Variants in EEFSEC observed in about 807,000 individuals in gnomAD.
The protein encoded by EEFSEC is eukaryotic elongation factor, selenocysteine-tRNA specific.
EEFSEC carries 43 observed loss-of-function variants against 42.1 expected under a neutral mutation model. The observed-to-expected ratio is 1.02, with a 90% CI of 0.80 to 1.32. The LOEUF is 1.32. Ranked by LOEUF, EEFSEC falls within the 40% of genes most tolerant of loss-of-function variation. The pLI, the probability that EEFSEC is intolerant of heterozygous loss-of-function variation, is 0.00. For missense variants in EEFSEC, 745 were observed against 803.6 expected (o/e 0.93, Z 0.88); for synonymous variants, 354 against 339.1 (o/e 1.04, Z -0.48).
intron 1 of EEFSEC, among the ~76,000 whole-genome samples, chr3:128,189,336 G>A (rs924695979): frequency 2.0e-5 from 3 of 152,084 alleles, no homozygotes; most frequent in Admixed American, 1.3e-4. Context: ...TTATAGTGGG[G>A]CCAAAAAATT....
chr3:128,334,772 G>C lies in EEFSEC; in HGVS notation c.787-6461G>C, dbSNP rs559975052. On this transcript the variant is annotated intron_variant, in intron 4 of 6. Coordinates refer to ENST00000254730, the MANE Select transcript of EEFSEC (RefSeq NM_021937.5). The stretch of plus-strand genomic sequence containing the variant: ...GAAGTGCTTGGTGCTGGAGGGATGG[G>C]AAGGATGTGAGGGAGAGCCTCTGCA... Among the ~76,000 whole-genome samples, 5 of 152,348 alleles carry C rather than the reference G, an allele frequency of 3.3e-5. No homozygotes were observed. In the East Asian group the frequency reaches 7.7e-4, roughly 24 times the overall value.
At chr3:128,255,765 G>C (rs1172542550) in intron 2 of EEFSEC, among the ~76,000 whole-genome samples, 1 of 152,138 alleles carries the variant, frequency 6.6e-6, no homozygotes, top group Non-Finnish European at 1.5e-5. Context: ...AAGCAAGAGG[G>C]CTTTTGTCCC....
chr3:128,226,447 T>G (rs994215090), intron 1 of EEFSEC, among the ~76,000 whole-genome samples: 33 of 152,076 alleles, frequency 2.2e-4, no homozygotes, highest in African/African-American at 8.0e-4. Flanking sequence ...CTAACAAAGC[T>G]CGAGGTGATC....
At chr3:128,311,267 C>T (rs942772997) in intron 4 of EEFSEC, among the ~76,000 whole-genome samples, 6 of 152,248 alleles carry the variant, frequency 3.9e-5, no homozygotes, top group African/African-American at 1.4e-4. Flanking sequence ...AACTAATTCT[C>T]CTTTCACAGC....
At chr3:128,217,792 G>A (rs1047018866) in intron 1 of EEFSEC, among the ~76,000 whole-genome samples, 1 of 152,202 alleles carries the variant, frequency 6.6e-6, no homozygotes, top group Non-Finnish European at 1.5e-5. Flanking sequence ...GGAAACCTCA[G>A]CATCATGGGG....
chr3:128,408,047 G>A (rs1559963410), intron 6 of EEFSEC, 22 bp from the exon 7 acceptor site: 5 of 1,509,262 alleles, frequency 3.3e-6, no homozygotes, highest in Non-Finnish European at 4.4e-6. Context: ...CAGAGTGACA[G>A]GCTCTCTTCT....
At position 128,247,041 on chromosome 3, in the gene EEFSEC, C is replaced by T; in HGVS notation, c.522C>T (p.Thr174=). The part of the protein sequence containing the change: ...TKKMQKTLEN[T]KFRGAPIIPV... ...AAATGCAGAAGACCCTAGAGAACACCAAGTAGGTCTGCTAATGAGAGCAAT... is the reference window on the plus strand; with the variant it reads ...AAATGCAGAAGACCCTAGAGAACACTAAGTAGGTCTGCTAATGAGAGCAAT... Residue 174 remains threonine (T), a splice_region_variant and synonymous_variant, in exon 2 of 7, where the codon ACC becomes ACT. Transcript: ENST00000254730. 6.2e-7 allele frequency: 1 copy of T among 1,613,820 alleles called. No individual in the cohort carries two copies. The highest frequency in any genetic ancestry group is 1.1e-5 in the South Asian group (1 of 91,062).
chr3:128,381,439 C>A (rs2067775074), intron 6 of EEFSEC, among the ~76,000 whole-genome samples: 1 of 152,178 alleles, frequency 6.6e-6, no homozygotes, highest in East Asian at 1.9e-4. Context: ...GGGGGCTGGG[C>A]CTTCCCCCAT....
Position 128,309,499 on chromosome 3 carries a change from A to G in EEFSEC, c.787-31734A>G, listed in dbSNP as rs116496248. On this transcript the variant is annotated intron_variant, in intron 4 of 6. Transcript: ENST00000254730. ...GCCATGTACATAACCAGTGTACCCA[A>G]TGAGTAGGACCTAAGCCTTTATTTT... Among the ~76,000 whole-genome samples the G allele has an allele frequency of 9.2e-3, 1,409 of 152,328 alleles. 9 individuals are homozygous for G. Among genetic ancestry groups the G allele is most frequent in the Non-Finnish European group, 0.016 (1,084 of 68,026 alleles).
At chr3:128,340,827 G>A (rs553653359) in intron 4 of EEFSEC, among the ~76,000 whole-genome samples, 3 of 152,308 alleles carry the variant, frequency 2.0e-5, no homozygotes, top group Admixed American at 6.5e-5. Context: ...GGCCATTCTT[G>A]GGGGAGGAGG....
intron 1 of EEFSEC, among the ~76,000 whole-genome samples, chr3:128,209,696 G>A (rs561360337): frequency 1.3e-5 from 2 of 152,138 alleles, no homozygotes; most frequent in African/African-American, 2.4e-5. Flanking sequence ...ATGTACACAA[G>A]TACACATATA....
chr3:128,362,101 T>C (rs1309482133), intron 6 of EEFSEC: 1 of 391,036 alleles, frequency 2.6e-6, no homozygotes, highest in African/African-American at 2.1e-5. Context: ...GGGAGGCCCA[T>C]GTGGTGCTTG....
intron 6 of EEFSEC, among the ~76,000 whole-genome samples, chr3:128,403,665 C>T (rs778074598): frequency 4.0e-5 from 6 of 151,432 alleles, no homozygotes; most frequent in Non-Finnish European, 7.4e-5. Context: ...GCATGGCACA[C>T]GCCTTCATCT....
chr3:128,340,851 A>G (rs1191718143), intron 4 of EEFSEC, among the ~76,000 whole-genome samples: 3 of 152,204 alleles, frequency 2.0e-5, no homozygotes, highest in African/African-American at 4.8e-5. Flanking sequence ...GCAAACCTGG[A>G]CAGAGGGCTG....
At position 128,358,242 on chromosome 3, in the gene EEFSEC, G is replaced by A. The variant is rs1486813317; in HGVS notation, c.1469G>A (p.Gly490Asp). Residue 490 changes from glycine (G) to aspartate (D), a missense_variant, in exon 6 of 7, where the codon GGC (glycine) becomes GAC (aspartate). Gly to Asp is a moderately conservative substitution (Grantham distance 94, BLOSUM62 -1). Coordinates refer to ENST00000254730, the MANE Select transcript of EEFSEC (RefSeq NM_021937.5). The part of the protein sequence containing the change: ...ERAMDDYSVI[G>D]RSLFKKETNI... ...GCGATGGATGACTACAGTGTGATCGGCCGCTCCCTGTTCAAAAAGGAAACC... is the reference window on the plus strand; with the variant it reads ...GCGATGGATGACTACAGTGTGATCGACCGCTCCCTGTTCAAAAAGGAAACC... 1.2e-6 allele frequency: 2 copies of A among 1,614,172 alleles called. No homozygotes were observed. The highest frequency in any genetic ancestry group is 3.3e-5 in the Admixed American group (2 of 60,026).
At chr3:128,201,225 G>T (rs920465441) in intron 1 of EEFSEC, among the ~76,000 whole-genome samples, 4 of 151,928 alleles carry the variant, frequency 2.6e-5, no homozygotes, top group African/African-American at 9.7e-5. Flanking sequence ...CTAAAATCTG[G>T]CAGGGTATGT....
intron 4 of EEFSEC, among the ~76,000 whole-genome samples, chr3:128,283,674 T>C (rs1270458915): frequency 2.0e-5 from 3 of 152,216 alleles, no homozygotes; most frequent in Non-Finnish European, 4.4e-5. Context: ...GTTAATGTCC[T>C]GTCAGGTGCA....
At chr3:128,326,455 C>G (rs925245046) in intron 4 of EEFSEC, among the ~76,000 whole-genome samples, 1 of 152,138 alleles carries the variant, frequency 6.6e-6, no homozygotes, top group East Asian at 1.9e-4. Flanking sequence ...GGCCAGTTAC[C>G]TCAGCAAGGA....
At chr3:128,272,789 G>A (rs2066428097) in intron 4 of EEFSEC, among the ~76,000 whole-genome samples, 1 of 152,158 alleles carries the variant, frequency 6.6e-6, no homozygotes, top group Non-Finnish European at 1.5e-5. Context: ...GTCCACCCCT[G>A]GAGCTGGAAG....
Sources: gnomAD v4.1 joint callset for allele counts (sites outside exome capture counted in the v4.1 genomes callset) on GRCh38, gnomAD v4.1.1 for gene constraint, MANE v1.5 for transcripts, NCBI Gene and HGNC (gene_info 2026-07-23, HGNC 2026-07-21) for gene names.